TUBA3C: variants seen among roughly 807,000 people sequenced by gnomAD.
The protein encoded by TUBA3C is tubulin alpha-3C chain.
Under a neutral mutation model 33.4 loss-of-function variants are expected in TUBA3C, and 23 were observed. The observed-to-expected ratio is 0.69, with a 90% CI of 0.50 to 0.98. The LOEUF (loss-of-function observed/expected upper bound fraction) is 0.98, where lower values mean the gene tolerates loss of function less well. Ranked by LOEUF, TUBA3C falls within the 50% of genes least tolerant of loss-of-function variation. The probability of loss-of-function intolerance (pLI) is 0.00; values close to 1 mark genes in which losing one functional copy is unlikely to be tolerated. For missense variants in TUBA3C, 402 were observed against 616.0 expected (o/e 0.65, Z 3.68); for synonymous variants, 269 against 250.4 (o/e 1.07, Z -0.70).
Position 19,177,500 on chromosome 13 carries a change from G to A in TUBA3C, c.483C>T (p.Tyr161=), listed in dbSNP as rs201681488. Residue 161 remains tyrosine (Y), a synonymous_variant, in exon 4 of 5, where the codon TAC becomes TAT. Transcript: ENST00000400113. This position sits in a 1 kb window ranked among gnomAD's most constrained non-coding sequence, Gnocchi z 5.0. ...SLLMERLSVD[Y]GKKSKLEFAI... is the part of the protein sequence containing the mutation. ...CAAATTCTAGCTTGGACTTCTTGCC[G>A]TAATCCACTGAGAGCCGCTCCATGA... 144 of 1,614,068 alleles carry A rather than the reference G, an allele frequency of 8.9e-5. No individual in the cohort carries two copies. Among genetic ancestry groups the A allele is most frequent in the Admixed American group, 6.7e-4 (40 of 60,014 alleles).
chr13:19,177,948 G>A lies in TUBA3C; in HGVS notation c.375+298C>T, dbSNP rs565841540. Among the ~76,000 whole-genome samples, 2 of 149,962 alleles carry A rather than the reference G, an allele frequency of 1.3e-5. No individual in the cohort carries two copies. The highest frequency in any genetic ancestry group is 2.2e-4 in the South Asian group (1 of 4,506). ...TGCAACCTCTGCCTCCCGGGCTCAA[G>A]CCATTCTCCTGCCTCAGCTTCCTGA... On this transcript the variant is annotated intron_variant, in intron 3 of 4. Coordinates refer to ENST00000400113, the MANE Select transcript of TUBA3C (RefSeq NM_006001.3). The surrounding 1 kb of genome is among the most constrained non-coding windows in gnomAD (Gnocchi z 5.0).
chr13:19,181,242 G>A (rs1010194374), intron 1 of TUBA3C, among the ~76,000 whole-genome samples: 2 of 151,906 alleles, frequency 1.3e-5, no homozygotes, highest in Non-Finnish European at 2.9e-5. Flanking sequence ...GTAGAGAAGG[G>A]ATTTCGCCAT....
At chr13:19,174,574 AT>A (rs914744858) in intron 4 of TUBA3C, among the ~76,000 whole-genome samples, 1 of 151,954 alleles carries the variant, frequency 6.6e-6, no homozygotes, top group African/African-American at 2.4e-5. Flanking sequence ...TGGTGTATAT[AT>A]TTTATTTTAA....
At position 19,177,853 on chromosome 13, in the gene TUBA3C, T is replaced by G. The variant is rs1869257362; in HGVS notation, c.376-246A>C. ...AAGATACTGTTCTAAGTTGTTTTTT[T>G]TTTTTTTTTTTTAGATAGAATCTCA... On this transcript the variant is annotated intron_variant, in intron 3 of 4. Coordinates refer to ENST00000400113, the MANE Select transcript of TUBA3C (RefSeq NM_006001.3). This position sits in a 1 kb window ranked among gnomAD's most constrained non-coding sequence, Gnocchi z 5.0. Among the ~76,000 whole-genome samples, 1 of 151,216 alleles carries G rather than the reference T, an allele frequency of 6.6e-6. No individual in the cohort carries two copies. Among genetic ancestry groups the G allele is most frequent in the South Asian group, 2.1e-4 (1 of 4,758 alleles).
intron 1 of TUBA3C, among the ~76,000 whole-genome samples, chr13:19,181,248 G>A (rs998575824): frequency 2.0e-5 from 3 of 151,792 alleles, no homozygotes; most frequent in Non-Finnish European, 4.4e-5. Flanking sequence ...AAGGGATTTC[G>A]CCATATTGGC....
At position 19,179,351 on chromosome 13, in the gene TUBA3C, G is replaced by A. The variant is rs1190714620; in HGVS notation, c.216C>T (p.Pro72=). 1 of 1,613,966 alleles carries A rather than the reference G, an allele frequency of 6.2e-7. No individual in the cohort carries two copies. ...GACCCGAGCACCTACCGACCACAGTGGGCTCCAGGTCCACAAACACTGCTC... is the reference window on the plus strand; with the variant it reads ...GACCCGAGCACCTACCGACCACAGTAGGCTCCAGGTCCACAAACACTGCTC... The part of the protein sequence containing the change: ...VPRAVFVDLE[P]TVVDEVRTGT... Residue 72 remains proline (P), a synonymous_variant, in exon 2 of 5, where the codon CCC becomes CCT. Transcript: ENST00000400113.
chr13:19,174,070 C>T lies in TUBA3C; in HGVS notation c.1146G>A (p.Thr382=), dbSNP rs368563758. 167 of 1,613,836 alleles carry T rather than the reference C, an allele frequency of 1.0e-4. No individual in the cohort carries two copies. Among genetic ancestry groups the T allele is most frequent in the Non-Finnish European group, 1.3e-4 (153 of 1,180,014 alleles). Residue 382 remains threonine (T), a synonymous_variant, in exon 5 of 5, where the codon ACG becomes ACA. Transcript: ENST00000400113. The stretch of plus-strand genomic sequence containing the variant: ...GGCGAGCCCAGGCCTCCGCGATGGC[C>T]GTGGTGTTGCTCAGCATGCACACAG... The part of the protein sequence containing the change: ...QRAVCMLSNT[T]AIAEAWARLD...
chr13:19,181,641 C>A, intron 1 of TUBA3C, 104 bp downstream of exon 1: 1 of 1,537,588 alleles, frequency 6.5e-7, no homozygotes, highest in Admixed American at 1.7e-5. Flanking sequence ...CTCCTTTCTG[C>A]ACCCTGGCCC....
chr13:19,180,508 AT>A (rs34884126), intron 1 of TUBA3C, among the ~76,000 whole-genome samples: 8,082 of 150,284 alleles, frequency 0.054, 403 homozygotes, highest in East Asian at 0.14. Context: ...ATGAAAAAAA[AT>A]TTTTTTTTTT....
chr13:19,176,168 C>A (rs1017700005), intron 4 of TUBA3C, among the ~76,000 whole-genome samples: 1 of 151,944 alleles, frequency 6.6e-6, no homozygotes, highest in African/African-American at 2.4e-5. Flanking sequence ...CCCGTAATCC[C>A]AACATTTTGG....
intron 4 of TUBA3C, among the ~76,000 whole-genome samples, chr13:19,174,723 T>C (rs1869122374): frequency 6.6e-6 from 1 of 152,132 alleles, no homozygotes; most frequent in East Asian, 1.9e-4. Context: ...TCCCAGCTCT[T>C]TGGGAGGCCA....
Position 19,181,056 on chromosome 13 carries a change from C to CT in TUBA3C, c.3+688dup, listed in dbSNP as rs917256778. ...ATTCTTTATGTGAATGCGTTGGTTGCTTTTTTTTTTTTTTGAGGCAGGGTC... is the reference window on the plus strand; with the variant it reads ...ATTCTTTATGTGAATGCGTTGGTTGCTTTTTTTTTTTTTTTGAGGCAGGGTC... On this transcript the variant is annotated intron_variant, in intron 1 of 4. Transcript: ENST00000400113. 6.8e-3 allele frequency among the ~76,000 whole-genome samples: 957 copies of CT among 139,920 alleles called. 2 individuals are homozygous for CT. The highest frequency in any genetic ancestry group is 0.029 in the Middle Eastern group (8 of 274). 91.8% of individuals were successfully genotyped at this position (139,920 alleles called of 152,430 possible). A position where few individuals can be genotyped will look rare whatever the true frequency, so the allele number is the denominator to read the frequency against.
chr13:19,179,714 C>A (rs1869335686), intron 1 of TUBA3C, 151 bp from the exon 2 acceptor site: 2 of 1,190,964 alleles, frequency 1.7e-6, no homozygotes, highest in Non-Finnish European at 2.3e-6. Flanking sequence ...GGTGACTGAC[C>A]CCTTTATCCC....
intron 2 of TUBA3C, 95 bp from the exon 3 acceptor site, chr13:19,178,489 T>C: frequency 6.6e-7 from 1 of 1,513,060 alleles, no homozygotes; most frequent in Non-Finnish European, 8.9e-7. Flanking sequence ...AAGTACATGC[T>C]GTTCAAAGTA....
At chr13:19,178,521 C>T in intron 2 of TUBA3C, 127 bp from the exon 3 acceptor site, 2 of 1,301,522 alleles carry the variant, frequency 1.5e-6, no homozygotes, top group Non-Finnish European at 1.0e-6. Flanking sequence ...TGTTGTAGGT[C>T]AACAGTGGCA....
intron 2 of TUBA3C, among the ~76,000 whole-genome samples, chr13:19,178,723 T>G (rs1228842785): frequency 1.3e-5 from 2 of 152,174 alleles, no homozygotes; most frequent in Admixed American, 1.3e-4. Context: ...CTTTCCTACA[T>G]GTAGCTACAT....
chr13:19,174,980 G>C (rs1445001631), intron 4 of TUBA3C, among the ~76,000 whole-genome samples: 2 of 152,048 alleles, frequency 1.3e-5, no homozygotes, highest in Non-Finnish European at 2.9e-5. Flanking sequence ...CGGGCACGGT[G>C]ACCCACACCT....
chr13:19,180,935 G>A (rs1379517412), intron 1 of TUBA3C, among the ~76,000 whole-genome samples: 3 of 148,582 alleles, frequency 2.0e-5, no homozygotes, highest in Non-Finnish European at 4.4e-5. Context: ...TCCAGCCTGG[G>A]CAACAGAGCT....
Position 19,177,056 on chromosome 13 carries a change from G to C in TUBA3C, c.927C>G (p.His309Gln), listed in dbSNP as rs756939318. 1.1e-5 allele frequency: 17 copies of C among 1,614,148 alleles called. No homozygotes were observed. Among genetic ancestry groups the C allele is most frequent in the Non-Finnish European group, 1.4e-5 (17 of 1,180,026 alleles). The change falls in exon 4 of 5, where the codon CAC becomes CAG. Residue 309 changes from histidine to glutamine, a missense_variant. By Grantham distance (24) the His-to-Gln change is conservative. Coordinates refer to ENST00000400113, the MANE Select transcript of TUBA3C (RefSeq NM_006001.3). The surrounding 1 kb of genome is among the most constrained non-coding windows in gnomAD (Gnocchi z 5.0). ...ANQMVKCDPR[H>Q]GKYMACCMLY... ...ACATGCAGCAGGCCATGTACTTGCC[G>C]TGGCGAGGGTCACACTTGACCATCT...
Sources: allele counts gnomAD v4.1 joint callset (sites outside exome capture counted in the v4.1 genomes callset), GRCh38; gene constraint gnomAD v4.1.1; non-coding constraint Gnocchi (gnomAD v3.1); transcripts MANE v1.5; gene names NCBI Gene and HGNC (gene_info 2026-07-23, HGNC 2026-07-21).